DAB1: variants seen among roughly 807,000 people sequenced by gnomAD.
DAB1 encodes the protein DAB adaptor protein 1, also known as disabled homolog 1.
In DAB1, 15 loss-of-function variants were observed where a neutral mutation model predicts 64.6. The observed-to-expected ratio is 0.23, with a 90% CI of 0.16 to 0.36. The LOEUF is 0.36. DAB1 is among the 10% of genes least tolerant of loss of function. The probability of loss-of-function intolerance (pLI) is 1.00; values close to 1 mark genes in which losing one functional copy is unlikely to be tolerated. For synonymous variants in DAB1, 235 were observed against 251.9 expected, an observed-to-expected ratio of 0.93 and a Z score of 0.64; for missense variants, 596 against 706.7, an observed-to-expected ratio of 0.84 and a Z score of 1.78.
intron 2 of DAB1, among the ~76,000 whole-genome samples, chr1:57,206,339 T>G (rs1665534936): frequency 6.6e-6 from 1 of 152,184 alleles, no homozygotes; most frequent in African/African-American, 2.4e-5. Flanking sequence ...GGGCTGCACT[T>G]GGCAGTCAAA....
chr1:57,332,919 A>AC (rs1402412490), intron 1 of DAB1, among the ~76,000 whole-genome samples: 3 of 152,012 alleles, frequency 2.0e-5, no homozygotes, highest in African/African-American at 7.3e-5. Context: ...AACATCCCAC[A>AC]CCGTCTTCTG....
intron 1 of DAB1, among the ~76,000 whole-genome samples, chr1:57,870,602 T>C (rs910534850): frequency 1.3e-5 from 2 of 152,162 alleles, no homozygotes; most frequent in African/African-American, 4.8e-5. Context: ...TGAATTTATA[T>C]TATGCATATA....
At chr1:57,444,791 T>C (rs1387063845) in intron 7 of DAB1, among the ~76,000 whole-genome samples, 1 of 152,140 alleles carries the variant, frequency 6.6e-6, no homozygotes, top group Non-Finnish European at 1.5e-5. Context: ...AGAAGGAGCA[T>C]AGGGATGTCA....
rs141446806 is a variant in DAB1 at position 57,613,825 on chromosome 1, G to C, written n.625+35767C>G. Among the ~76,000 whole-genome samples the C allele has an allele frequency of 5.0e-3, 766 of 152,266 alleles. 4 individuals are homozygous for C. The highest frequency in any genetic ancestry group is 8.7e-3 in the Admixed American group (133 of 15,294). Reference sequence around the variant, plus strand: ...GAAAGGCACAACGGCCTTGGAGTCGGAGAGACCTGGGTTCAAATTCCAGGT... The same window carrying C: ...GAAAGGCACAACGGCCTTGGAGTCGCAGAGACCTGGGTTCAAATTCCAGGT... On this transcript the variant is annotated intron_variant and non_coding_transcript_variant, in intron 7 of 20. Transcript: ENST00000485760.
At chr1:58,518,571 T>C (rs1046639655) in intron 2 of DAB1, among the ~76,000 whole-genome samples, 2 of 151,542 alleles carry the variant, frequency 1.3e-5, no homozygotes, top group Non-Finnish European at 2.9e-5. Flanking sequence ...ATTTTATAGA[T>C]AGAACTGCCA....
chr1:57,489,078 T>C (rs1570567149), intron 7 of DAB1, among the ~76,000 whole-genome samples: 1 of 152,364 alleles, frequency 6.6e-6, no homozygotes, highest in Non-Finnish European at 1.5e-5. Context: ...TTTGACTCTC[T>C]GGGCCTCCAA....
intron 5 of DAB1, among the ~76,000 whole-genome samples, chr1:57,949,108 C>T (rs1217707757): frequency 2.0e-5 from 3 of 151,924 alleles, no homozygotes; most frequent in Non-Finnish European, 4.4e-5. Flanking sequence ...GTTAAGCCAG[C>T]GGTCCCCAAC....
intron 1 of DAB1, chr1:58,527,383 A>G (rs925366250): frequency 1.2e-6 from 1 of 841,344 alleles, no homozygotes. Flanking sequence ...TTATTTCACG[A>G]AAAAAGGAGT....
In DAB1 at chr1:57,210,475, A is replaced by C. The variant is rs560905355; in HGVS notation, c.68-65046T>G. Reference sequence around the variant, plus strand: ...CCTACATATCCCAGTGTTGGAGGGCACAGAAATTGAGGCATAGTGATTTCT... The same window carrying C: ...CCTACATATCCCAGTGTTGGAGGGCCCAGAAATTGAGGCATAGTGATTTCT... On this transcript the variant is annotated intron_variant, in intron 2 of 14. Coordinates refer to ENST00000371236, the MANE Select transcript of DAB1 (RefSeq NM_001365792.1). Among the ~76,000 whole-genome samples the C allele has an allele frequency of 3.3e-5, 5 of 152,318 alleles. No individual in the cohort carries two copies. In the East Asian group the frequency reaches 9.6e-4, roughly 29 times the overall value.
chr1:57,072,497 C>A, intron 4 of DAB1, 83 bp from the exon 5 acceptor site: 1 of 1,497,658 alleles, frequency 6.7e-7, no homozygotes, highest in Non-Finnish European at 9.1e-7. Flanking sequence ...GTTTCAGCTA[C>A]GTGTGAACAG....
chr1:57,214,586 G>A (rs771977997), intron 2 of DAB1, among the ~76,000 whole-genome samples: 2 of 152,068 alleles, frequency 1.3e-5, no homozygotes, highest in South Asian at 2.1e-4. Context: ...TAGCCTAAGA[G>A]GAAGGGAGCA....
rs760948866 is a variant in DAB1, at chr1:57,319,899, A to G, written c.-136-28733T>C. Among the ~76,000 whole-genome samples, 46 of 152,136 alleles carry G rather than the reference A, an allele frequency of 3.0e-4. 1 individual carries two copies. The highest frequency in any genetic ancestry group is 6.5e-5 in the Admixed American group (1 of 15,276). The stretch of plus-strand genomic sequence containing the variant: ...TTCTTTCTGTTTTCCATGAAGTTCT[A>G]TGAAGGTGTGATACTTGGATCTATA... On this transcript the variant is annotated intron_variant, in intron 1 of 14. Coordinates refer to ENST00000371236, the MANE Select transcript of DAB1 (RefSeq NM_001365792.1).
At chr1:58,163,616 T>C (rs1455877918) in intron 4 of DAB1, among the ~76,000 whole-genome samples, 3 of 152,142 alleles carry the variant, frequency 2.0e-5, no homozygotes, top group South Asian at 2.1e-4. Flanking sequence ...CCAATCCATA[T>C]GGAAGCTCGA....
At chr1:58,250,115 A>G (rs530264314) in intron 4 of DAB1, among the ~76,000 whole-genome samples, 1 of 152,034 alleles carries the variant, frequency 6.6e-6, no homozygotes, top group South Asian at 2.1e-4. Flanking sequence ...AGTGTTGCAG[A>G]CCACCACCTC....
At chr1:57,310,621 T>G (rs1674617767) in intron 1 of DAB1, among the ~76,000 whole-genome samples, 1 of 152,108 alleles carries the variant, frequency 6.6e-6, no homozygotes, top group Non-Finnish European at 1.5e-5. Context: ...AAGGAAAACT[T>G]TTGTGAGGCT....
chr1:58,163,423 C>A (rs1336488406), intron 4 of DAB1, among the ~76,000 whole-genome samples: 3 of 152,162 alleles, frequency 2.0e-5, no homozygotes, highest in Non-Finnish European at 2.9e-5. Context: ...AAGAGATAGA[C>A]AAATCCTCTC....
intron 2 of DAB1, among the ~76,000 whole-genome samples, chr1:57,150,959 C>A (rs1009434027): frequency 6.6e-5 from 10 of 152,100 alleles, no homozygotes; most frequent in Non-Finnish European, 1.3e-4. Flanking sequence ...AGTTTGAAAC[C>A]AGCCTGGGCA....
chr1:58,475,737 A>G (rs1164520056), intron 3 of DAB1, among the ~76,000 whole-genome samples: 1 of 152,222 alleles, frequency 6.6e-6, no homozygotes, highest in Admixed American at 6.5e-5. Flanking sequence ...ACACGTTACT[A>G]TATTTAAACC....
chr1:58,170,191 G>A (rs528596715), intron 4 of DAB1, among the ~76,000 whole-genome samples: 7 of 152,290 alleles, frequency 4.6e-5, no homozygotes, highest in Admixed American at 6.5e-5. Context: ...CTGGGACCTC[G>A]ACTCAGATCA....
Sources: allele counts gnomAD v4.1 joint callset (sites outside exome capture counted in the v4.1 genomes callset), GRCh38; gene constraint gnomAD v4.1.1; transcripts MANE v1.5; gene names NCBI Gene and HGNC (gene_info 2026-07-23, HGNC 2026-07-21).